DPF1: variants seen among roughly 807,000 people sequenced by gnomAD.
The protein encoded by DPF1 is zinc finger protein neuro-d4.
DPF1 carries 14 observed loss-of-function variants against 58.7 expected under a neutral mutation model. The observed-to-expected ratio is 0.24, with a 90% CI of 0.16 to 0.37. DPF1 has a LOEUF of 0.37. Among genes scored for constraint, DPF1 ranks in the 10% least tolerant of loss-of-function variants. DPF1 has a pLI of 1.00. For missense variants in DPF1, 345 were observed against 529.9 expected, an observed-to-expected ratio of 0.65 and a Z score of 3.43; for synonymous variants, 216 against 216.0, an observed-to-expected ratio of 1.00 and a Z score of 0.00.
chr19:38,219,241 C>T, intron 3 of DPF1, 183 bp from the exon 4 acceptor site: 1 of 771,280 alleles, frequency 1.3e-6, no homozygotes, highest in Non-Finnish European at 2.0e-6. Flanking sequence ...CTCAGATGCC[C>T]TGGGATGCAC....
intron 9 of DPF1, among the ~76,000 whole-genome samples, chr19:38,214,326 G>C (rs981113712): frequency 2.0e-5 from 3 of 152,188 alleles, no homozygotes; most frequent in Admixed American, 6.5e-5. Flanking sequence ...CCCCGCTGCA[G>C]AGACACCCGC....
In DPF1 at chr19:38,224,148, TC is replaced by T. The variant is rs1221641032; in HGVS notation, c.-7del. The T allele has an allele frequency of 6.8e-7, 1 of 1,473,932 alleles. No homozygotes were observed. The allele number at this position is 1,473,932 out of a possible 1,614,324, so 91.3% of individuals were successfully genotyped here. On this transcript the variant is annotated 5_prime_UTR_variant, in exon 1 of 12. Transcript: ENST00000355526. The surrounding 1 kb of genome is among the most constrained non-coding windows in gnomAD (Gnocchi z 4.5). ...CCAGGGATGACAGTGGCCATCTTGC[TC>T]CCCGGGTCCTGCCCCCAGCAGGTCC...
chr19:38,211,776 A>AC lies in DPF1; in HGVS notation c.*286dup, dbSNP rs1300315074. ...TCCATGCCCCTGGCTGGCACCCACC[A>AC]CCCCCCATGCCCGCCCAGAGGCGGG... On this transcript the variant is annotated 3_prime_UTR_variant, in exon 12 of 12. Transcript: ENST00000355526. The surrounding 1 kb of genome is among the most constrained non-coding windows in gnomAD (Gnocchi z 4.0). 19 of 426,590 alleles carry AC rather than the reference A, an allele frequency of 4.5e-5. No homozygotes were observed. In the East Asian group the frequency reaches 5.8e-4, roughly 13 times the overall value. 26.4% of individuals were successfully genotyped at this position (426,590 alleles called of 1,614,324 possible). A position where few individuals can be genotyped will look rare whatever the true frequency, so the allele number is the denominator to read the frequency against.
Position 38,211,051 on chromosome 19 carries a change from A to T in DPF1, c.*1012T>A, listed in dbSNP as rs572133049. The T allele has an allele frequency of 3.9e-5, 6 of 152,642 alleles. No individual in the cohort carries two copies. In the East Asian group the frequency reaches 9.7e-4, roughly 25 times the overall value. 9.5% of individuals were successfully genotyped at this position (152,642 alleles called of 1,614,324 possible). A position where few individuals can be genotyped will look rare whatever the true frequency, so the allele number is the denominator to read the frequency against. On this transcript the variant is annotated 3_prime_UTR_variant, in exon 12 of 12. Transcript: ENST00000355526. The surrounding 1 kb of genome is among the most constrained non-coding windows in gnomAD (Gnocchi z 4.0). ...CCCAGTTTAATACACAGAACAAGTT[A>T]ATTCACAGCAGAGGCAGGCAATAGA...
chr19:38,213,897 C>T, intron 9 of DPF1, 141 bp from the exon 10 acceptor site: 3 of 658,842 alleles, frequency 4.6e-6, no homozygotes, highest in South Asian at 1.9e-5. Context: ...CCTGACCCCA[C>T]ACCTGCCCAG....
chr19:38,217,972 G>A, intron 5 of DPF1, 96 bp from the exon 6 acceptor site: 1 of 1,265,808 alleles, frequency 7.9e-7, no homozygotes. Flanking sequence ...GGGAGGCCGA[G>A]GCAGGCGGAT....
upstream of DPF1, chr19:38,229,689 C>G: frequency 2.0e-6 from 1 of 494,588 alleles, no homozygotes; most frequent in Non-Finnish European, 2.6e-6. This position sits in a 1 kb window ranked among gnomAD's most constrained non-coding sequence, Gnocchi z 5.3. Context: ...CAGCGCGCTA[C>G]GATTTCATTC....
At chr19:38,225,451 C>A (rs773934736), upstream of DPF1, among the ~76,000 whole-genome samples, 62 of 151,930 alleles carry the variant, frequency 4.1e-4, 1 homozygote, top group Non-Finnish European at 7.6e-4. Flanking sequence ...GCAGTGTAGT[C>A]CCAGCTACTT....
chr19:38,216,364 C>T lies in DPF1; in HGVS notation c.767G>A (p.Arg256Lys). 1 of 1,599,896 alleles carries T rather than the reference C, an allele frequency of 6.3e-7. No individual in the cohort carries two copies. The highest frequency in any genetic ancestry group is 1.7e-5 in the Admixed American group (1 of 58,652). Residue 256 changes from arginine (R) to lysine (K), a missense_variant, in exon 8 of 12, where the codon AGG (arginine) becomes AAG (lysine). By Grantham distance (26) the Arg-to-Lys change is conservative. Coordinates refer to ENST00000355526, the MANE Select transcript of DPF1 (RefSeq NM_001135155.3). The stretch of plus-strand genomic sequence containing the variant: ...GGAGGCATCCGTACCTGTGTGTTTC[C>T]TTTGTGCCTCAGGGACCCAGGCCAA... ...KELAWVPEAQ[R>K]KHTAKKAPDG...
intron 10 of DPF1, among the ~76,000 whole-genome samples, chr19:38,212,827 G>A (rs1193905573): frequency 6.9e-6 from 1 of 145,000 alleles, no homozygotes; most frequent in African/African-American, 2.6e-5. Flanking sequence ...TGTTGCCCAG[G>A]CTGGTCTGGT....
rs765271906 is a variant in DPF1, at chr19:38,222,542, C to T, written c.190+6G>A. ...CCCCGCCCTGCGCCAGCCCTCCCGG[C>T]GGTACCCGGCCCGCGGTGGGTCTTC... On this transcript the variant is annotated splice_donor_region_variant and intron_variant, in intron 2 of 11. Coordinates refer to ENST00000355526, the MANE Select transcript of DPF1 (RefSeq NM_001135155.3). This position sits in a 1 kb window ranked among gnomAD's most constrained non-coding sequence, Gnocchi z 4.9. 18 of 1,605,102 alleles carry T rather than the reference C, an allele frequency of 1.1e-5. No homozygotes were observed. Among genetic ancestry groups the T allele is most frequent in the Non-Finnish European group, 1.4e-5 (17 of 1,176,200 alleles).
At chr19:38,221,432 C>G (rs950589872) in intron 3 of DPF1, among the ~76,000 whole-genome samples, 2 of 151,806 alleles carry the variant, frequency 1.3e-5, no homozygotes, top group African/African-American at 2.4e-5. Flanking sequence ...CCCAGCTACT[C>G]AGGAGGCTGA....
chr19:38,222,241 C>G lies in DPF1; in HGVS notation c.298+116G>C. 11 of 932,104 alleles carry G rather than the reference C, an allele frequency of 1.2e-5. No individual in the cohort carries two copies. Among genetic ancestry groups the G allele is most frequent in the Non-Finnish European group, 1.8e-5 (11 of 617,028 alleles). The allele number at this position is 932,104 out of a possible 1,614,324, so 57.7% of individuals were successfully genotyped here. On this transcript the variant is annotated intron_variant, in intron 3 of 11. Transcript: ENST00000355526. This position sits in a 1 kb window ranked among gnomAD's most constrained non-coding sequence, Gnocchi z 4.9. The stretch of plus-strand genomic sequence containing the variant: ...AACACCCGGGACGCACATGGGCAGA[C>G]AGACACACAGCCAGCCAGGCAGACA...
intron 6 of DPF1, 80 bp from the exon 7 acceptor site, chr19:38,217,671 C>T: frequency 1.9e-6 from 3 of 1,538,516 alleles, no homozygotes; most frequent in East Asian, 2.4e-5. Flanking sequence ...AGGATCACAC[C>T]TCCCCCCTCA....
chr19:38,226,300 C>T (rs1967815988), upstream of DPF1, among the ~76,000 whole-genome samples: 1 of 146,144 alleles, frequency 6.8e-6, no homozygotes, highest in Non-Finnish European at 1.5e-5. Context: ...CCCCCTTTCC[C>T]CTTCCCCTCT....
chr19:38,217,757 C>A (rs774560536), intron 6 of DPF1, 41 bp downstream of exon 6: 2 of 1,611,816 alleles, frequency 1.2e-6, no homozygotes, highest in East Asian at 2.2e-5. Flanking sequence ...AGTCTCTGGG[C>A]ACCCCTCTCT....
chr19:38,212,547 A>G (rs898367323), intron 10 of DPF1, among the ~76,000 whole-genome samples, 186 bp from the exon 11 acceptor site: 1 of 152,064 alleles, frequency 6.6e-6, no homozygotes, highest in Non-Finnish European at 1.5e-5. Context: ...CATATCCCTC[A>G]GGACAGTCCC....
rs1352145499 is a variant in DPF1 at position 38,218,979 on chromosome 19, C to T, written c.378G>A (p.Gly126=). The T allele has an allele frequency of 6.2e-7, 1 of 1,614,216 alleles. No homozygotes were observed. The highest frequency in any genetic ancestry group is 1.3e-5 in the African/African-American group (1 of 75,064). The stretch of plus-strand genomic sequence containing the variant: ...CCTCCTTCAGCTCAATCTTCTTCTC[C>T]CCCGTCTCTGCACACAGTAGAGCCT... ...VLEALLCAET[G]EKKIELKEEE... Residue 126 remains glycine (G), a synonymous_variant, in exon 4 of 12, where the codon GGG becomes GGA. Coordinates refer to ENST00000355526, the MANE Select transcript of DPF1 (RefSeq NM_001135155.3).
At chr19:38,226,566 A>G (rs1429272547), upstream of DPF1, among the ~76,000 whole-genome samples, 1 of 143,694 alleles carries the variant, frequency 7.0e-6, no homozygotes, top group Non-Finnish European at 1.5e-5. Flanking sequence ...CCTTTCCACA[A>G]ACTCGCCCAT....
Sources: gnomAD v4.1 joint callset for allele counts (sites outside exome capture counted in the v4.1 genomes callset) on GRCh38, gnomAD v4.1.1 for gene constraint, Gnocchi (gnomAD v3.1) non-coding constraint, MANE v1.5 for transcripts, NCBI Gene and HGNC (gene_info 2026-07-23, HGNC 2026-07-21) for gene names.